TMEM178B: variants seen among roughly 807,000 people sequenced by gnomAD.
TMEM178B encodes the protein transmembrane protein 178B.
Under a neutral mutation model 31.0 loss-of-function variants are expected in TMEM178B, and 5 were observed. That is an observed-to-expected ratio of 0.16 (90% CI 0.08 to 0.34). TMEM178B has a LOEUF of 0.34. TMEM178B is among the 10% of genes least tolerant of loss of function. The pLI is 1.00. For synonymous variants in TMEM178B, 164 were observed against 164.0 expected (o/e 1.00, Z 0.00); for missense variants, 275 against 400.3 (o/e 0.69, Z 2.67).
At chr7:141,195,430 G>A (rs1189562081) in intron 1 of TMEM178B, among the ~76,000 whole-genome samples, 1 of 152,162 alleles carries the variant, frequency 6.6e-6, no homozygotes, top group African/African-American at 2.4e-5. Flanking sequence ...CAGTCTCTTT[G>A]CTAAAACATA....
At chr7:141,100,694 G>T (rs1795042016) in intron 1 of TMEM178B, among the ~76,000 whole-genome samples, 1 of 152,006 alleles carries the variant, frequency 6.6e-6, no homozygotes, top group South Asian at 2.1e-4. Flanking sequence ...ATAAACAAGG[G>T]CTGACTGTAT....
intron 2 of TMEM178B, among the ~76,000 whole-genome samples, chr7:141,225,892 C>T (rs1289966188): frequency 9.2e-5 from 14 of 152,142 alleles, no homozygotes; most frequent in Non-Finnish European, 1.8e-4. Context: ...CTGGGATCAT[C>T]CAGTCTTAGG....
intron 2 of TMEM178B, among the ~76,000 whole-genome samples, chr7:141,214,516 A>G (rs1024147442): frequency 1.9e-4 from 29 of 152,308 alleles, no homozygotes; most frequent in African/African-American, 7.0e-4. Flanking sequence ...TAATTTGGAA[A>G]TTTTTTAGCA....
chr7:141,131,840 C>A (rs909576854), intron 1 of TMEM178B, among the ~76,000 whole-genome samples: 2 of 152,092 alleles, frequency 1.3e-5, no homozygotes, highest in African/African-American at 2.4e-5. Context: ...TTGGTAAGTG[C>A]ATGTTTTAGC....
chr7:141,101,258 A>G (rs943249787), intron 1 of TMEM178B, among the ~76,000 whole-genome samples: 1 of 152,072 alleles, frequency 6.6e-6, no homozygotes, highest in Admixed American at 6.5e-5. Context: ...TTGTTGTCTA[A>G]CTCTTGATTA....
At chr7:141,077,848 C>G (rs1401568602) in intron 1 of TMEM178B, among the ~76,000 whole-genome samples, 1 of 152,178 alleles carries the variant, frequency 6.6e-6, no homozygotes, top group Non-Finnish European at 1.5e-5. Flanking sequence ...AATATTGCAA[C>G]AAATGCTACA....
chr7:141,248,246 A>G lies in TMEM178B; in HGVS notation c.496+35542A>G, dbSNP rs371044262. On this transcript the variant is annotated intron_variant, in intron 2 of 3. Coordinates refer to ENST00000565468, the MANE Select transcript of TMEM178B (RefSeq NM_001195278.2). ...GCCAACATGGTGAAACCCTGCCTCC[A>G]CTAAAAATACAAAAGTTAGTCAGGT... Among the ~76,000 whole-genome samples the G allele has an allele frequency of 2.0e-4, 30 of 152,274 alleles. 1 individual carries two copies. The South Asian group carries it at 6.0e-3, about 31-fold the overall frequency.
At chr7:141,206,000 GATAGAC>G (rs1289830146) in intron 1 of TMEM178B, among the ~76,000 whole-genome samples, 1 of 152,184 alleles carries the variant, frequency 6.6e-6, no homozygotes, top group Non-Finnish European at 1.5e-5. Context: ...ATTTATACTT[GATAGAC>G]ATAGATCTGT....
intron 2 of TMEM178B, chr7:141,431,246 A>C (rs1801423990): frequency 6.6e-6 from 1 of 152,152 alleles, no homozygotes; most frequent in South Asian, 2.1e-4. Flanking sequence ...GCAAATAGAA[A>C]GACATTCAGC....
chr7:141,457,333 AT>A (rs2116713117), intron 3 of TMEM178B, among the ~76,000 whole-genome samples: 1 of 152,356 alleles, frequency 6.6e-6, no homozygotes, highest in Non-Finnish European at 1.5e-5. Context: ...TATTTGCTGT[AT>A]ATATCCTAAT....
chr7:141,388,744 T>C (rs1800479213), intron 2 of TMEM178B, among the ~76,000 whole-genome samples: 2 of 152,258 alleles, frequency 1.3e-5, no homozygotes, highest in African/African-American at 4.8e-5. Context: ...ATTTGGAAGT[T>C]ACATGATGCT....
At chr7:141,231,964 C>T (rs1377894896) in intron 2 of TMEM178B, among the ~76,000 whole-genome samples, 2 of 152,164 alleles carry the variant, frequency 1.3e-5, no homozygotes, top group East Asian at 1.9e-4. Flanking sequence ...CCCCTTGCCA[C>T]CCCCAACCCT....
At chr7:141,357,563 T>C (rs969274055) in intron 2 of TMEM178B, among the ~76,000 whole-genome samples, 1 of 152,134 alleles carries the variant, frequency 6.6e-6, no homozygotes, top group Non-Finnish European at 1.5e-5. Context: ...AAGGGAAAAA[T>C]TGCATCTTAA....
chr7:141,197,084 T>G (rs1796794796), intron 1 of TMEM178B, among the ~76,000 whole-genome samples: 1 of 152,226 alleles, frequency 6.6e-6, no homozygotes, highest in African/African-American at 2.4e-5. Flanking sequence ...ACATTCGTGG[T>G]GTCTGACATA....
At chr7:141,105,959 G>C (rs573897077) in intron 1 of TMEM178B, among the ~76,000 whole-genome samples, 41 of 151,816 alleles carry the variant, frequency 2.7e-4, no homozygotes, top group Non-Finnish European at 4.3e-4. Flanking sequence ...GCCGGGCGTG[G>C]TAGTGCACGC....
Position 141,215,337 on chromosome 7 carries a change from A to ATTATTATTTTTTTT in TMEM178B, c.496+2635_496+2636insATTATTTTTTTTTT, listed in dbSNP as rs55726735. 1.1e-4 allele frequency among the ~76,000 whole-genome samples: 16 copies of ATTATTATTTTTTTT among 141,484 alleles called. 1 individual carries two copies. The highest frequency in any genetic ancestry group is 2.2e-4 in the Admixed American group (3 of 13,746). The allele number at this position is 141,484 out of a possible 152,430, so 92.8% of individuals were successfully genotyped here. A position where few individuals can be genotyped will look rare whatever the true frequency, so the allele number is the denominator to read the frequency against. Reference sequence around the variant, plus strand: ...CATCTTTATTATTATTATTATTATTATTTTTTGAGATGGAGTCTCACTCTG... The same window carrying ATTATTATTTTTTTT: ...CATCTTTATTATTATTATTATTATTATTATTATTTTTTTTTTTTTTGAGATGGAGTCTCACTCTG... On this transcript the variant is annotated intron_variant, in intron 2 of 3. Transcript: ENST00000565468.
intron 3 of TMEM178B, among the ~76,000 whole-genome samples, chr7:141,459,687 G>A (rs1005144339): frequency 1.3e-5 from 2 of 152,180 alleles, no homozygotes; most frequent in African/African-American, 4.8e-5. Context: ...CTCCAGTCTA[G>A]GAGACAGGAC....
intron 1 of TMEM178B, among the ~76,000 whole-genome samples, chr7:141,181,077 A>G (rs1045232888): frequency 5.3e-5 from 8 of 152,226 alleles, no homozygotes; most frequent in African/African-American, 1.9e-4. Flanking sequence ...ATAGGGTAGC[A>G]TGGTAAGGAT....
chr7:141,425,932 T>C (rs1801308597), intron 2 of TMEM178B, among the ~76,000 whole-genome samples: 2 of 152,160 alleles, frequency 1.3e-5, no homozygotes, highest in Non-Finnish European at 2.9e-5. Context: ...TCTTCCTGAC[T>C]TGGGGGAGGG....
Sources: allele counts gnomAD v4.1 joint callset (sites outside exome capture counted in the v4.1 genomes callset), GRCh38; gene constraint gnomAD v4.1.1; transcripts MANE v1.5; gene names NCBI Gene and HGNC (gene_info 2026-07-23, HGNC 2026-07-21).